PCNX3: variants seen among roughly 807,000 people sequenced by gnomAD.
The protein encoded by PCNX3 is pecanex-like protein 3.
In PCNX3, 58 loss-of-function variants were observed where a neutral mutation model predicts 207.2. The observed-to-expected ratio is 0.28, with a 90% confidence interval of 0.23 to 0.35. PCNX3 has a LOEUF of 0.35. Among genes scored for constraint, PCNX3 ranks in the 10% least tolerant of loss-of-function variants. The pLI is 1.00. For missense variants in PCNX3, 2,410 were observed against 2,774.4 expected (o/e 0.87, Z 2.95); for synonymous variants, 1,337 against 1,183.5 (o/e 1.13, Z -2.66).
At chr11:65,628,775 GCT>G in intron 23 of PCNX3, 42 bp from the exon 24 acceptor site, 3 of 1,500,460 alleles carry the variant, frequency 2.0e-6, no homozygotes, top group Non-Finnish European at 9.1e-7. Context: ...GTGGTGGGGG[GCT>G]GGGAGGTCCT....
Position 65,636,656 on chromosome 11 carries a change from A to G in PCNX3, c.5859A>G (p.Ser1953=). The G allele has an allele frequency of 2.5e-6, 4 of 1,583,882 alleles. No individual in the cohort carries two copies. Among genetic ancestry groups the G allele is most frequent in the South Asian group, 2.3e-5 (2 of 87,116 alleles). Residue 1953 remains serine (S), a synonymous_variant, in exon 34 of 35, where the codon TCA becomes TCG. Coordinates refer to ENST00000355703, the MANE Select transcript of PCNX3 (RefSeq NM_032223.4). ...GLGGSDGEPA[S]GSPKGGTPKS... is the part of the protein sequence containing the mutation. ...GAGGATCTGACGGGGAGCCAGCCTCAGGGAGCCCCAAAGGAGGTACCCCCA... is the reference window on the plus strand; with the variant it reads ...GAGGATCTGACGGGGAGCCAGCCTCGGGGAGCCCCAAAGGAGGTACCCCCA...
rs1286491227 is a variant in PCNX3 at position 65,635,433 on chromosome 11, C to T, written c.5169C>T (p.Ser1723=). ...TCATGCTCAACCGGCGCCACCTCAG[C>T]TTCCGAGTCATCAAGGTTGGGCCGG... ...KIIMLNRRHL[S]FRVIKVNREC... Residue 1723 remains serine, a synonymous_variant, in exon 31 of 35, where the codon AGC becomes AGT. Transcript: ENST00000355703. This position sits in a 1 kb window ranked among gnomAD's most constrained non-coding sequence, Gnocchi z 9.9. The T allele has an allele frequency of 3.7e-6, 6 of 1,610,958 alleles. No homozygotes were observed. Among genetic ancestry groups the T allele is most frequent in the South Asian group, 1.1e-5 (1 of 90,988 alleles).
Position 65,617,667 on chromosome 11 carries a change from G to C in PCNX3, c.538G>C (p.Asp180His). The C allele has an allele frequency of 6.3e-7, 1 of 1,586,240 alleles. No homozygotes were observed. Among genetic ancestry groups the C allele is most frequent in the Non-Finnish European group, 8.6e-7 (1 of 1,166,148 alleles). Residue 180 changes from aspartate (D) to histidine (H), a missense_variant, in exon 5 of 35, where the codon GAC (aspartate) becomes CAC (histidine). Physicochemically the swap from Asp to His is moderately conservative, Grantham distance 81 (BLOSUM62 -1). This residue lies in a region of PCNX3 where 1,104 missense variants were observed against 970.3 expected (regional missense o/e 1.14). Transcript: ENST00000355703. The stretch of plus-strand genomic sequence containing the variant: ...CAACAATGTGATCGTGACTTCTGCC[G>C]ACCGAGAGATGCTGAAGCTCAGCTC... The part of the protein sequence containing the change: ...GSNNVIVTSA[D>H]REMLKLSSQE...
At position 65,636,807 on chromosome 11, in the gene PCNX3, C is replaced by T. The variant is rs1001547843; in HGVS notation, c.5934C>T (p.Ser1978=). The T allele has an allele frequency of 8.4e-6, 13 of 1,550,688 alleles. No individual in the cohort carries two copies. The highest frequency in any genetic ancestry group is 2.0e-5 in the Admixed American group (1 of 50,968). Residue 1978 remains serine (S), a synonymous_variant, in exon 35 of 35, where the codon AGC becomes AGT. Transcript: ENST00000355703. ...DLSLSLSLSL[S]PDVSTEASPP... ...GCCTCAGCCTCAGCCTCAGCCTCAG[C>T]CCCGATGTCAGCACTGAGGCCTCAC...
chr11:65,617,563 G>A (rs759312000), intron 4 of PCNX3, 48 bp from the exon 5 acceptor site: 25 of 1,613,578 alleles, frequency 1.5e-5, no homozygotes, highest in South Asian at 1.5e-4. Context: ...AGGGGCTGGC[G>A]TGCTGTGCCA....
intron 27 of PCNX3, among the ~76,000 whole-genome samples, 200 bp from the exon 28 acceptor site, chr11:65,633,926 G>A (rs1325663393): frequency 1.3e-5 from 2 of 152,234 alleles, no homozygotes; most frequent in Non-Finnish European, 2.9e-5. Context: ...GCTTCCTGGC[G>A]GCTTTGTCAC....
At chr11:65,617,106 C>G in intron 2 of PCNX3, 95 bp downstream of exon 2, 4 of 1,417,632 alleles carry the variant, frequency 2.8e-6, no homozygotes, top group South Asian at 1.3e-5. Flanking sequence ...AACATTGGCT[C>G]TCTGAGTGAT....
At chr11:65,619,246 A>G (rs1217667234) in intron 6 of PCNX3, among the ~76,000 whole-genome samples, 179 bp downstream of exon 6, 1 of 152,160 alleles carries the variant, frequency 6.6e-6, no homozygotes, top group African/African-American at 2.4e-5. Context: ...CATGGGGCTC[A>G]GCCACCTGGC....
At chr11:65,627,989 T>C (rs547320718) in intron 22 of PCNX3, among the ~76,000 whole-genome samples, 1 of 152,192 alleles carries the variant, frequency 6.6e-6, no homozygotes, top group Non-Finnish European at 1.5e-5. Flanking sequence ...CCTGGGTGTG[T>C]ATAGGTGCTC....
At chr11:65,626,872 G>C in intron 20 of PCNX3, 32 bp from the exon 21 acceptor site, 1 of 1,568,700 alleles carries the variant, frequency 6.4e-7, no homozygotes, top group African/African-American at 1.4e-5. Flanking sequence ...GCATGTGGAA[G>C]CCAGGTGCAG....
At chr11:65,632,704 A>G (rs530917800) in intron 27 of PCNX3, among the ~76,000 whole-genome samples, 30 of 148,174 alleles carry the variant, frequency 2.0e-4, no homozygotes, top group African/African-American at 7.5e-4. Context: ...AGCACCTGAT[A>G]TGTGCCAGGC....
rs748654128 is a variant in PCNX3 at position 65,636,425 on chromosome 11, C to T, written c.5628C>T (p.Gly1876=). ...ACCAACCCCTCCCACCAGGCCCTGG[C>T]TGGGGGCCGCGGTCCTCCCTGAGTG... The part of the protein sequence containing the change: ...NGDQPLPPGP[G]WGPRSSLSGS... Residue 1876 remains glycine (G), a synonymous_variant, in exon 34 of 35, where the codon GGC becomes GGT. Coordinates refer to ENST00000355703, the MANE Select transcript of PCNX3 (RefSeq NM_032223.4). The T allele has an allele frequency of 6.4e-7, 1 of 1,554,448 alleles. No individual in the cohort carries two copies. The highest frequency in any genetic ancestry group is 1.2e-5 in the South Asian group (1 of 82,064).
chr11:65,636,397 G>A lies in PCNX3; in HGVS notation c.5600G>A (p.Gly1867Asp). 1 of 1,562,072 alleles carries A rather than the reference G, an allele frequency of 6.4e-7. No homozygotes were observed. The highest frequency in any genetic ancestry group is 2.3e-5 in the East Asian group (1 of 44,422). Residue 1867 changes from glycine to aspartate, a missense_variant, in exon 34 of 35, where the codon GGT becomes GAT. Coordinates refer to ENST00000355703, the MANE Select transcript of PCNX3 (RefSeq NM_032223.4). ...TCTTATCTGTCTCCTACAGGCAATG[G>A]TGACCAACCCCTCCCACCAGGCCCT... ...HPTPENTAGN[G>D]DQPLPPGPGW...
Position 65,634,283 on chromosome 11 carries a change from C to T in PCNX3, c.4628C>T (p.Ser1543Phe). Residue 1543 changes from serine to phenylalanine, a missense_variant, in exon 28 of 35, where the codon TCT becomes TTT. Around this residue, in one of 8 missense-constraint regions of PCNX3, gnomAD observed 420 missense variants for 705.3 expected, o/e 0.60. Transcript: ENST00000355703. Reference protein sequence around the residue: ...SVDEDYDLRLSGLSLPSFCAV... With the variant: ...SVDEDYDLRLFGLSLPSFCAV... ...GATGAGGACTATGACCTCCGCCTGT[C>T]TGGCCTCTCGCTGCCCTCCTTTTGT... The T allele has an allele frequency of 6.2e-7, 1 of 1,611,574 alleles. No individual in the cohort carries two copies. The highest frequency in any genetic ancestry group is 8.5e-7 in the Non-Finnish European group (1 of 1,179,152).
chr11:65,616,479 C>A lies in PCNX3; in HGVS notation c.153+15C>A. 1 of 1,595,602 alleles carries A rather than the reference C, an allele frequency of 6.3e-7. No individual in the cohort carries two copies. The highest frequency in any genetic ancestry group is 1.1e-5 in the South Asian group (1 of 89,948). ...TACTGTACATGGTGAGACGCCACGG[C>A]CACCTGTAACTCCAGCCGGGAGAGG... On this transcript the variant is annotated intron_variant, in intron 1 of 34. Coordinates refer to ENST00000355703, the MANE Select transcript of PCNX3 (RefSeq NM_032223.4).
At chr11:65,627,687 T>A in intron 22 of PCNX3, 105 bp downstream of exon 22, 1 of 1,381,194 alleles carries the variant, frequency 7.2e-7, no homozygotes, top group Non-Finnish European at 1.0e-6. Flanking sequence ...GCCACCGCTC[T>A]GTATCAGCCC....
chr11:65,621,032 G>A (rs528678378), intron 10 of PCNX3, 66 bp downstream of exon 10: 58 of 1,474,566 alleles, frequency 3.9e-5, no homozygotes, highest in Admixed American at 1.3e-4. Context: ...CACTGAGTCC[G>A]GCCTGCATAG....
At position 65,619,907 on chromosome 11, in the gene PCNX3, T is replaced by C; in HGVS notation, c.1983T>C (p.Ala661=). Residue 661 remains alanine, a synonymous_variant, in exon 8 of 35, where the codon GCT becomes GCC. Transcript: ENST00000355703. The part of the protein sequence containing the change: ...ACTFDDTSEG[A]VHYFYDESGV... Reference sequence around the variant, plus strand: ...CCTTTGATGACACTTCTGAGGGTGCTGTGCACTATTTCTACGATGAGAGCG... The same window carrying C: ...CCTTTGATGACACTTCTGAGGGTGCCGTGCACTATTTCTACGATGAGAGCG... The C allele has an allele frequency of 6.2e-7, 1 of 1,609,768 alleles. No individual in the cohort carries two copies. The highest frequency in any genetic ancestry group is 8.5e-7 in the Non-Finnish European group (1 of 1,178,244).
In PCNX3 at chr11:65,630,569, G is replaced by A. The variant is rs1239847350; in HGVS notation, c.4435G>A (p.Asp1479Asn). The change falls in exon 27 of 35, where the codon GAC (aspartate) becomes AAC (asparagine). Residue 1479 changes from aspartate to asparagine, a missense_variant. By Grantham distance (23) the Asp-to-Asn change is conservative. Around this residue, in one of 8 missense-constraint regions of PCNX3, gnomAD observed 420 missense variants for 705.3 expected, o/e 0.60. Coordinates refer to ENST00000355703, the MANE Select transcript of PCNX3 (RefSeq NM_032223.4). Reference sequence around the variant, plus strand: ...TGCTGCCTCCATGCTGCAGGTTTTCGACCTCCGCAAGATCCTCATCACCTA... The same window carrying A: ...TGCTGCCTCCATGCTGCAGGTTTTCAACCTCCGCAAGATCCTCATCACCTA... ...NNAASMLQVF[D>N]LRKILITYYV... The A allele has an allele frequency of 1.9e-6, 3 of 1,613,070 alleles. No individual in the cohort carries two copies. The highest frequency in any genetic ancestry group is 1.1e-5 in the South Asian group (1 of 91,052).
Sources: gnomAD v4.1 joint callset for allele counts (sites outside exome capture counted in the v4.1 genomes callset) on GRCh38, gnomAD v4.1.1 for gene constraint, gnomAD v4.1.1 regional missense constraint, Gnocchi (gnomAD v3.1) non-coding constraint, MANE v1.5 for transcripts, NCBI Gene and HGNC (gene_info 2026-07-23, HGNC 2026-07-21) for gene names.